The following MYH9 variants were observed in gnomAD, a reference collection of about 807,000 sequenced individuals.
MYH9 encodes myosin heavy chain 9.
In MYH9, 29 loss-of-function variants were observed where a neutral mutation model predicts 241.9. That is an observed-to-expected ratio of 0.12 (90% CI 0.09 to 0.16). MYH9 has a LOEUF of 0.16. MYH9 is among the 10% of genes least tolerant of loss of function. The pLI is 1.00. For synonymous variants in MYH9, 1,047 were observed against 1,062.6 expected, an observed-to-expected ratio of 0.99 and a Z score of 0.29; for missense variants, 1,803 against 2,595.5, an observed-to-expected ratio of 0.69 and a Z score of 6.63.
At position 36,293,342 on chromosome 22, in the gene MYH9, G is replaced by C. The variant is rs2016736474; in HGVS notation, c.4082C>G (p.Thr1361Ser). ...AGGCCTCCAAACCTGGGCATGGAGGGTGGCGATCTGCTTCTCCAGGTTGTG... is the reference window on the plus strand; with the variant it reads ...AGGCCTCCAAACCTGGGCATGGAGGCTGGCGATCTGCTTCTCCAGGTTGTG... ...AKHNLEKQIA[T>S]LHAQVADMKK... is the part of the protein sequence containing the mutation. Residue 1361 changes from threonine to serine, a missense_variant, in exon 30 of 41, where the codon ACC becomes AGC. Thr to Ser is a moderately conservative substitution (Grantham distance 58). This residue lies in a region of MYH9 where 876 missense variants were observed against 1,077.8 expected (regional missense o/e 0.81). Transcript: ENST00000216181. The surrounding 1 kb of genome is among the most constrained non-coding windows in gnomAD (Gnocchi z 5.1). The C allele has an allele frequency of 3.1e-6, 5 of 1,614,058 alleles. No homozygotes were observed. Among genetic ancestry groups the C allele is most frequent in the Non-Finnish European group, 4.2e-6 (5 of 1,180,038 alleles).
chr22:36,364,592 C>A (rs1018243178), intron 1 of MYH9, among the ~76,000 whole-genome samples: 1 of 152,168 alleles, frequency 6.6e-6, no homozygotes, highest in African/African-American at 2.4e-5. Context: ...CCTCACCCTC[C>A]GCCCCACCCC....
chr22:36,325,182 C>A, intron 5 of MYH9: 1 of 721,530 alleles, frequency 1.4e-6, no homozygotes. Context: ...GAGAGAGAGA[C>A]AGAGAGGGAG....
chr22:36,326,811 G>A (rs935739257), intron 4 of MYH9, 150 bp from the exon 5 acceptor site: 7 of 725,938 alleles, frequency 9.6e-6, no homozygotes, highest in African/African-American at 1.7e-5. Flanking sequence ...CCACATAAAC[G>A]CTCTGGAATC....
rs760764320 is a variant in MYH9 at position 36,295,481 on chromosome 22, G to A, written c.3485+24C>T. On this transcript the variant is annotated intron_variant, in intron 26 of 40. Transcript: ENST00000216181. The surrounding 1 kb of genome is among the most constrained non-coding windows in gnomAD (Gnocchi z 4.1). ...CCCCCCTGGCTGCCCTCCCCATCCCGAGGGACTTGGTCCCAGGGCACACCT... is the reference window on the plus strand; with the variant it reads ...CCCCCCTGGCTGCCCTCCCCATCCCAAGGGACTTGGTCCCAGGGCACACCT... The A allele has an allele frequency of 2.4e-5, 39 of 1,605,800 alleles. No individual in the cohort carries two copies. Among genetic ancestry groups the A allele is most frequent in the Middle Eastern group, 2.2e-4 (1 of 4,588 alleles).
intron 2 of MYH9, among the ~76,000 whole-genome samples, chr22:36,348,154 T>C (rs1395653597): frequency 6.7e-6 from 1 of 148,838 alleles, no homozygotes; most frequent in Non-Finnish European, 1.5e-5. Context: ...TTTAAAGATA[T>C]TTAAAAAATA....
At chr22:36,302,215 G>T (rs901641695) in intron 20 of MYH9, 1 of 289,508 alleles carries the variant, frequency 3.5e-6, no homozygotes, top group Non-Finnish European at 6.8e-6. Flanking sequence ...TAGGCTTTTT[G>T]TGAGTTGGTT....
At position 36,328,894 on chromosome 22, in the gene MYH9, A is replaced by T. The variant is rs2017377443; in HGVS notation, c.491-1406T>A. On this transcript the variant is annotated intron_variant, in intron 3 of 40. Coordinates refer to ENST00000216181, the MANE Select transcript of MYH9 (RefSeq NM_002473.6). ...GTGCATGGCCTCAGGAGACACATTTAACCGTTCAACACCAGTAGCCACCGA... is the reference window on the plus strand; with the variant it reads ...GTGCATGGCCTCAGGAGACACATTTTACCGTTCAACACCAGTAGCCACCGA... 2.0e-5 allele frequency: 3 copies of T among 152,290 alleles called. No individual in the cohort carries two copies. In the South Asian group the frequency reaches 6.2e-4, roughly 32 times the overall value. The allele number at this position is 152,290 out of a possible 1,614,324, so 9.4% of individuals were successfully genotyped here.
rs1043952772 is a variant in MYH9 at position 36,296,968 on chromosome 22, G to C, written c.3147C>G (p.Thr1049=). 1.9e-6 allele frequency: 3 copies of C among 1,614,044 alleles called. No individual in the cohort carries two copies. The African/African-American group carries it at 4.0e-5, about 22-fold the overall frequency. The change falls in exon 25 of 41, where the codon ACC becomes ACG. Residue 1049 remains threonine (T), a synonymous_variant. Transcript: ENST00000216181. The part of the protein sequence containing the change: ...EEKQRQELEK[T]RRKLEGDSTD... ...TGGAGTCTCCCTCCAGCTTCCGGCG[G>C]GTCTTCTCCAGCTCCTGTCGCTGCT...
In MYH9 at chr22:36,289,190, G is replaced by A. The variant is rs569164493; in HGVS notation, c.4452C>T (p.Ala1484=). ...CCTTCTGCTCCATGGCTTCCTCCAG[G>A]GCCCGGGCCAGCGACAGAGCCTTGG... ...KETKALSLAR[A]LEEAMEQKAE... The change falls in exon 32 of 41, where the codon GCC becomes GCT. Residue 1484 remains alanine, a synonymous_variant. Coordinates refer to ENST00000216181, the MANE Select transcript of MYH9 (RefSeq NM_002473.6). The A allele has an allele frequency of 2.5e-6, 4 of 1,613,504 alleles. No individual in the cohort carries two copies. The South Asian group carries it at 3.3e-5, about 13-fold the overall frequency.
chr22:36,348,837 A>AGCCCC, intron 2 of MYH9, 67 bp downstream of exon 2: 4 of 539,146 alleles, frequency 7.4e-6, no homozygotes, highest in Admixed American at 6.3e-5. Context: ...TGATGGGAAG[A>AGCCCC]CCCGCCCCCC....
In MYH9 at chr22:36,293,206, T is replaced by G; in HGVS notation, c.4095+123A>C. On this transcript the variant is annotated intron_variant, in intron 30 of 40. Coordinates refer to ENST00000216181, the MANE Select transcript of MYH9 (RefSeq NM_002473.6). This position sits in a 1 kb window ranked among gnomAD's most constrained non-coding sequence, Gnocchi z 5.1. ...CTGATGTGGGAGAGCACGGTTGGCT[T>G]CCCAGGGGGAGAGCAGCAATGGGCC... is the stretch of plus-strand genomic sequence containing the variant. 1 of 1,333,274 alleles carries G rather than the reference T, an allele frequency of 7.5e-7. No homozygotes were observed. Among genetic ancestry groups the G allele is most frequent in the Non-Finnish European group, 1.0e-6 (1 of 958,590 alleles). 82.6% of individuals were successfully genotyped at this position (1,333,274 alleles called of 1,614,324 possible).
chr22:36,353,114 T>A (rs1329262180), intron 1 of MYH9, among the ~76,000 whole-genome samples: 1 of 117,454 alleles, frequency 8.5e-6, no homozygotes, highest in African/African-American at 3.5e-5. Flanking sequence ...TGTGTGTGTG[T>A]GTGTGTGTGT....
rs904423484 is a variant in MYH9 at position 36,305,222 on chromosome 22, A to C, written c.2160-120T>G. 12 of 898,568 alleles carry C rather than the reference A, an allele frequency of 1.3e-5. No individual in the cohort carries two copies. In the African/African-American group the frequency reaches 1.8e-4, roughly 14 times the overall value. The allele number at this position is 898,568 out of a possible 1,614,324, so 55.7% of individuals were successfully genotyped here. A position where few individuals can be genotyped will look rare whatever the true frequency, so the allele number is the denominator to read the frequency against. On this transcript the variant is annotated intron_variant, in intron 17 of 40. Transcript: ENST00000216181. The surrounding 1 kb of genome is among the most constrained non-coding windows in gnomAD (Gnocchi z 4.7). ...CAACAGACACAGAATTCTTTACACAAACTCTCCTAAGGAAAGAAGACACAG... is the reference window on the plus strand; with the variant it reads ...CAACAGACACAGAATTCTTTACACACACTCTCCTAAGGAAAGAAGACACAG...
Position 36,349,171 on chromosome 22 carries a change from G to C in MYH9, c.66C>G (p.Ala22=), listed in dbSNP as rs2017728336. The C allele has an allele frequency of 1.2e-6, 2 of 1,614,082 alleles. No individual in the cohort carries two copies. The highest frequency in any genetic ancestry group is 1.7e-5 in the Admixed American group (1 of 60,000). The change falls in exon 2 of 41, where the codon GCC becomes GCG. Residue 22 remains alanine, a synonymous_variant. Coordinates refer to ENST00000216181, the MANE Select transcript of MYH9 (RefSeq NM_002473.6). The part of the protein sequence containing the change: ...VDKNFINNPL[A]QADWAAKKLV... The stretch of plus-strand genomic sequence containing the variant: ...GCTTCTTGGCAGCCCAGTCGGCCTG[G>C]GCCAGCGGATTGTTGATGAAGTTTT...
At chr22:36,356,764 C>T (rs551476410) in intron 1 of MYH9, among the ~76,000 whole-genome samples, 3 of 152,294 alleles carry the variant, frequency 2.0e-5, no homozygotes, top group South Asian at 2.1e-4. Context: ...CGCGGCAGGA[C>T]GGACATGAAC....
At chr22:36,297,668 G>A (rs760908274) in intron 24 of MYH9, among the ~76,000 whole-genome samples, 2 of 152,182 alleles carry the variant, frequency 1.3e-5, no homozygotes, top group Non-Finnish European at 2.9e-5. Flanking sequence ...CATTTGTCTA[G>A]GATTCCATTA....
intron 3 of MYH9, among the ~76,000 whole-genome samples, chr22:36,339,358 G>A (rs2017547659): frequency 6.6e-6 from 1 of 152,176 alleles, no homozygotes; most frequent in Non-Finnish European, 1.5e-5. Context: ...AGAGCTGGGA[G>A]CAAACTGACT....
At position 36,321,742 on chromosome 22, in the gene MYH9, C is replaced by A; in HGVS notation, c.769+16G>T. The A allele has an allele frequency of 2.5e-6, 4 of 1,612,684 alleles. No homozygotes were observed. The highest frequency in any genetic ancestry group is 3.4e-6 in the Non-Finnish European group (4 of 1,178,672). On this transcript the variant is annotated intron_variant, in intron 7 of 40. Transcript: ENST00000216181. ...TCCGGATCCAGGACTCTTATCCCAACGAACCACAAGGATACAAGTCTCAAT... is the reference window on the plus strand; with the variant it reads ...TCCGGATCCAGGACTCTTATCCCAAAGAACCACAAGGATACAAGTCTCAAT...
chr22:36,333,651 TTATC>T (rs2017456273), intron 3 of MYH9, among the ~76,000 whole-genome samples: 2 of 152,218 alleles, frequency 1.3e-5, no homozygotes, highest in African/African-American at 2.4e-5. Context: ...TTCAGTTCAT[TTATC>T]TTTCTTTAGT....
Sources: allele counts gnomAD v4.1 joint callset (sites outside exome capture counted in the v4.1 genomes callset), GRCh38; gene constraint gnomAD v4.1.1; regional missense constraint gnomAD v4.1.1; non-coding constraint Gnocchi (gnomAD v3.1); transcripts MANE v1.5; gene names NCBI Gene and HGNC (gene_info 2026-07-23, HGNC 2026-07-21).